Variants in ABHD17C observed in about 807,000 individuals in gnomAD.
ABHD17C encodes the protein alpha/beta hydrolase domain-containing protein 17C.
Under a neutral mutation model 27.9 loss-of-function variants are expected in ABHD17C, and 11 were observed. The ratio of observed to expected loss-of-function variants is 0.39; its 90% CI spans 0.25 to 0.65. ABHD17C has a LOEUF of 0.65. Ranked by LOEUF, ABHD17C falls within the 30% of genes least tolerant of loss-of-function variation. The pLI is 0.45. For missense variants in ABHD17C, 280 were observed against 470.2 expected, an observed-to-expected ratio of 0.60 and a Z score of 3.74; for synonymous variants, 233 against 209.1, an observed-to-expected ratio of 1.11 and a Z score of -0.98.
intron 1 of ABHD17C, among the ~76,000 whole-genome samples, chr15:80,745,631 C>T (rs1282897230): frequency 2.6e-5 from 4 of 152,068 alleles, no homozygotes; most frequent in African/African-American, 7.2e-5. Context: ...CCTTCCAAAG[C>T]GCTGGGATTA....
intron 1 of ABHD17C, among the ~76,000 whole-genome samples, chr15:80,718,572 G>T (rs1242555417): frequency 6.6e-6 from 1 of 152,102 alleles, no homozygotes; most frequent in Non-Finnish European, 1.5e-5. Flanking sequence ...GATCTCAAGT[G>T]ATCATCCCAC....
chr15:80,696,042 G>A, intron 1 of ABHD17C, 23 bp downstream of exon 1: 1 of 1,534,002 alleles, frequency 6.5e-7, no homozygotes, highest in Non-Finnish European at 8.8e-7. Context: ...GGGTCGCCAG[G>A]CCTGACTTCC....
At chr15:80,720,489 A>G (rs1245462861) in intron 1 of ABHD17C, among the ~76,000 whole-genome samples, 1 of 152,214 alleles carries the variant, frequency 6.6e-6, no homozygotes, top group Non-Finnish European at 1.5e-5. Flanking sequence ...CCTGGAATGC[A>G]GAGCCTGGTG....
In ABHD17C at chr15:80,695,483, G is replaced by T; in HGVS notation, c.54G>T (p.Trp18Cys). 1 of 1,394,490 alleles carries T rather than the reference G, an allele frequency of 7.2e-7. No individual in the cohort carries two copies. The highest frequency in any genetic ancestry group is 9.4e-7 in the Non-Finnish European group (1 of 1,064,022). 86.4% of individuals were successfully genotyped at this position (1,394,490 alleles called of 1,614,324 possible). A position where few individuals can be genotyped will look rare whatever the true frequency, so the allele number is the denominator to read the frequency against. ...GCTTCTCGCTGGGTGAGCTGTGCTG[G>T]CTCTTCTGCTGCCCGCCCTGCCCGA... Reference protein sequence around the residue: ...MNGFSLGELCWLFCCPPCPSR... With the variant: ...MNGFSLGELCCLFCCPPCPSR... Residue 18 changes from tryptophan (W) to cysteine (C), a missense_variant, in exon 1 of 3, where the codon TGG (tryptophan) becomes TGT (cysteine). Transcript: ENST00000258884. The surrounding 1 kb of genome is among the most constrained non-coding windows in gnomAD (Gnocchi z 4.3).
intron 1 of ABHD17C, among the ~76,000 whole-genome samples, chr15:80,701,888 C>T (rs1259321172): frequency 6.6e-6 from 1 of 152,130 alleles, no homozygotes; most frequent in Non-Finnish European, 1.5e-5. Flanking sequence ...CTTTGGTCCA[C>T]CTTCAGCCTG....
intron 1 of ABHD17C, among the ~76,000 whole-genome samples, chr15:80,704,425 C>T (rs1894614265): frequency 6.6e-6 from 1 of 152,178 alleles, no homozygotes; most frequent in South Asian, 2.1e-4. Context: ...GCTAAGTTCC[C>T]ATCCTTGCTT....
rs1209897459 is a variant in ABHD17C at position 80,746,237 on chromosome 15, C to T, written c.591-3276C>T. On this transcript the variant is annotated intron_variant, in intron 1 of 2. Coordinates refer to ENST00000258884, the MANE Select transcript of ABHD17C (RefSeq NM_021214.2). The stretch of plus-strand genomic sequence containing the variant: ...TTTTTCTCTTTCTCTGTCTTTCCCT[C>T]CCCTCTTTTTTTCTTATTTTGTGAA... 4.6e-5 allele frequency among the ~76,000 whole-genome samples: 7 copies of T among 151,802 alleles called. No homozygotes were observed. The East Asian group carries it at 1.4e-3, about 29-fold the overall frequency.
chr15:80,743,873 A>G (rs1895246677), intron 1 of ABHD17C, among the ~76,000 whole-genome samples: 1 of 152,256 alleles, frequency 6.6e-6, no homozygotes, highest in South Asian at 2.1e-4. Context: ...GTGCCTGGCT[A>G]TGAATACATC....
At chr15:80,726,451 C>G (rs1894976826) in intron 1 of ABHD17C, among the ~76,000 whole-genome samples, 1 of 150,790 alleles carries the variant, frequency 6.6e-6, no homozygotes, top group Non-Finnish European at 1.5e-5. Flanking sequence ...TTTTTTCCCT[C>G]CAGTTTCAAG....
chr15:80,730,302 G>A (rs1217004909), intron 1 of ABHD17C, among the ~76,000 whole-genome samples: 10 of 152,120 alleles, frequency 6.6e-5, no homozygotes, highest in East Asian at 1.9e-4. Context: ...GAAGTTCCCC[G>A]TCCTGCATAG....
At position 80,713,354 on chromosome 15, in the gene ABHD17C, CTTTTTTTTTTTTTT is replaced by C. The variant is rs67320992; in HGVS notation, c.590+17350_590+17363del. Among the ~76,000 whole-genome samples the C allele has an allele frequency of 5.0e-3, 218 of 43,856 alleles. 9 individuals are homozygous for C. Among genetic ancestry groups the C allele is most frequent in the African/African-American group, 0.02 (205 of 10,058 alleles). 28.8% of individuals were successfully genotyped at this position (43,856 alleles called of 152,430 possible). ...GAAGGAAAGCCACTGAGGTCTTGTTCTTTTTTTTTTTTTTTTTTTTTTTTTTTTCAAAATCAGCC... is the reference window on the plus strand; with the variant it reads ...GAAGGAAAGCCACTGAGGTCTTGTTCTTTTTTTTTTTTTTCAAAATCAGCC... On this transcript the variant is annotated intron_variant, in intron 1 of 2. Coordinates refer to ENST00000258884, the MANE Select transcript of ABHD17C (RefSeq NM_021214.2).
intron 1 of ABHD17C, among the ~76,000 whole-genome samples, chr15:80,711,885 C>G (rs570717888): frequency 6.6e-6 from 1 of 152,312 alleles, no homozygotes; most frequent in East Asian, 1.9e-4. Context: ...CCTTCATTTG[C>G]AACTCTTTTT....
At chr15:80,719,558 T>G (rs1463937748) in intron 1 of ABHD17C, among the ~76,000 whole-genome samples, 1 of 152,224 alleles carries the variant, frequency 6.6e-6, no homozygotes, top group African/African-American at 2.4e-5. Context: ...AATTTATAAG[T>G]TTAAAAAATC....
Position 80,720,750 on chromosome 15 carries a change from G to A in ABHD17C, c.590+24731G>A, listed in dbSNP as rs536464666. 8.5e-5 allele frequency among the ~76,000 whole-genome samples: 13 copies of A among 152,066 alleles called. No individual in the cohort carries two copies. The East Asian group carries it at 1.2e-3, about 14-fold the overall frequency. ...AACCTGGCCAACATGGTGAAACTCCGTCTCTACTAAAAATACAAAAATTAG... is the reference window on the plus strand; with the variant it reads ...AACCTGGCCAACATGGTGAAACTCCATCTCTACTAAAAATACAAAAATTAG... On this transcript the variant is annotated intron_variant, in intron 1 of 2. Transcript: ENST00000258884.
Position 80,725,924 on chromosome 15 carries a change from A to G in ABHD17C, c.591-23589A>G, listed in dbSNP as rs953535809. On this transcript the variant is annotated intron_variant, in intron 1 of 2. Transcript: ENST00000258884. ...GCGGCACTAGAGGAATTAAAGATAC[A>G]CACACAGAAATATAGAGGTGTGAAG... is the stretch of plus-strand genomic sequence containing the variant. Among the ~76,000 whole-genome samples the G allele has an allele frequency of 3.3e-5, 5 of 152,224 alleles. No individual in the cohort carries two copies. In the East Asian group the frequency reaches 9.6e-4, roughly 29 times the overall value.
intron 1 of ABHD17C, chr15:80,703,210 C>G (rs551960450): frequency 1.4e-4 from 21 of 152,314 alleles, no homozygotes; most frequent in African/African-American, 5.1e-4. Flanking sequence ...GCGCAGACTC[C>G]CTCTTTGATA....
chr15:80,698,241 T>G (rs1894522776), intron 1 of ABHD17C, among the ~76,000 whole-genome samples: 1 of 152,090 alleles, frequency 6.6e-6, no homozygotes, highest in African/African-American at 2.4e-5. Context: ...ATTTTTTGTA[T>G]TTTTAGTAGA....
intron 1 of ABHD17C, among the ~76,000 whole-genome samples, chr15:80,707,562 G>C (rs1206589665): frequency 6.6e-6 from 1 of 150,758 alleles, no homozygotes; most frequent in South Asian, 2.1e-4. Context: ...TAGCTGATGA[G>C]CCCCCCCTCA....
At chr15:80,728,918 C>G (rs925907018) in intron 1 of ABHD17C, among the ~76,000 whole-genome samples, 4 of 152,164 alleles carry the variant, frequency 2.6e-5, no homozygotes, top group African/African-American at 9.7e-5. Flanking sequence ...GCCTAAAGCA[C>G]AGATTTTCTA....
Sources: gnomAD v4.1 joint callset for allele counts (sites outside exome capture counted in the v4.1 genomes callset) on GRCh38, gnomAD v4.1.1 for gene constraint, Gnocchi (gnomAD v3.1) non-coding constraint, MANE v1.5 for transcripts, NCBI Gene and HGNC (gene_info 2026-07-23, HGNC 2026-07-21) for gene names.